FLG: variants seen among roughly 807,000 people sequenced by gnomAD.
FLG encodes epidermal filaggrin.
Under a neutral mutation model 3.8 loss-of-function variants are expected in FLG, and 6 were observed. The ratio of observed to expected loss-of-function variants is 1.60; its 90% CI spans 0.87 to 3.15. The LOEUF is 3.15. Ranked by LOEUF, FLG falls within the 30% of genes most tolerant of loss-of-function variation. The pLI is 0.00. For synonymous variants in FLG, 2,551 were observed against 1,931.6 expected (o/e 1.32, Z -8.41); for missense variants, 7,595 against 5,050.9 (o/e 1.50, Z -15.27).
Position 152,308,580 on chromosome 1 carries a change from G to T in FLG, c.6306C>A (p.Ser2102=). The change falls in exon 3 of 3, where the codon TCC becomes TCA. Residue 2102 remains serine (S), a synonymous_variant. Coordinates refer to ENST00000368799, the MANE Select transcript of FLG (RefSeq NM_002016.2). ...YQVSTHEQSE[S]THGQSAPSTG... is the part of the protein sequence containing the mutation. ...TGCTGGGCGCAGACTGTCCATGGGT[G>T]GACTCAGACTGTTCATGAGTGCTCA... 3.1e-6 allele frequency: 5 copies of T among 1,614,014 alleles called. No individual in the cohort carries two copies. Among genetic ancestry groups the T allele is most frequent in the African/African-American group, 1.3e-5 (1 of 75,008 alleles).
chr1:152,316,954 T>G (rs1222530181), intron 1 of FLG, among the ~76,000 whole-genome samples: 1 of 152,156 alleles, frequency 6.6e-6, no homozygotes, highest in Non-Finnish European at 1.5e-5. Flanking sequence ...CCTGAGAACT[T>G]GGAAGCCATT....
At chr1:152,321,821 T>A (rs1050649057) in intron 1 of FLG, among the ~76,000 whole-genome samples, 1 of 151,112 alleles carries the variant, frequency 6.6e-6, no homozygotes, top group African/African-American at 2.4e-5. Flanking sequence ...CAAACTGGCC[T>A]CAGTACCATA....
Position 152,311,258 on chromosome 1 carries a change from G to A in FLG, c.3628C>T (p.Gln1210Ter), listed in dbSNP as rs1652400801. The A allele has an allele frequency of 4.3e-6, 7 of 1,613,852 alleles. No homozygotes were observed. In the East Asian group the frequency reaches 1.6e-4, roughly 36 times the overall value. ...CTGCTTGCACTTCTGGATCCTGACT[G>A]CCCATGGGAGGCATCAGACCTTCCC... is the stretch of plus-strand genomic sequence containing the variant. ...SQGRSDASHG[Q>*]SGSRSASRQT... The change falls in exon 3 of 3, where the codon CAG becomes TAG. Residue 1210 changes from glutamine (Q) to a stop codon, truncating the protein, a stop_gained. Transcript: ENST00000368799. LOFTEE classifies it low-confidence loss of function (END_TRUNC).
At position 152,308,489 on chromosome 1, in the gene FLG, C is replaced by G. The variant is rs772430081; in HGVS notation, c.6397G>C (p.Glu2133Gln). 6 of 1,613,438 alleles carry G rather than the reference C, an allele frequency of 3.7e-6. No individual in the cohort carries two copies. Among genetic ancestry groups the G allele is most frequent in the Non-Finnish European group, 5.1e-6 (6 of 1,179,712 alleles). Residue 2133 changes from glutamate (E) to glutamine (Q), a missense_variant, in exon 3 of 3, where the codon GAG becomes CAG. Transcript: ENST00000368799. ...TGTCCACGAATGGTGTCCTGACCCT[C>G]TTGGGATGCTGAGTGCCTGGAGCTG... ...QDSSRHSASQ[E>Q]GQDTIRGHPG...
At position 152,312,631 on chromosome 1, in the gene FLG, C is replaced by A. The variant is rs1239314484; in HGVS notation, c.2255G>T (p.Gly752Val). The A allele has an allele frequency of 1.9e-6, 3 of 1,613,752 alleles. No individual in the cohort carries two copies. Among genetic ancestry groups the A allele is most frequent in the Middle Eastern group, 1.6e-4 (1 of 6,084 alleles). The change falls in exon 3 of 3, where the codon GGA (glycine) becomes GTA (valine). Residue 752 changes from glycine to valine, a missense_variant. Transcript: ENST00000368799. ...CTGTGTGTCTGAGTCTTCTGAATGT[C>A]CCTCACTGTCAGTGGCCTGACTACC... Reference protein sequence around the residue: ...SSGSQATDSEGHSEDSDTQSV... With the variant: ...SSGSQATDSEVHSEDSDTQSV...
rs1570900267 is a variant in FLG, at chr1:152,307,174, C to T, written c.7712G>A (p.Ser2571Asn). Residue 2571 changes from serine to asparagine, a missense_variant, in exon 3 of 3, where the codon AGT (serine) becomes AAT (asparagine). Transcript: ENST00000368799. ...GTCTTCTGAGTGTCCCTGACTGTCA[C>T]TGTCCTGGCTAAAACTGGATCCCCA... ...RNWGSSFSQDSDSQGHSEDSE... is the reference protein window; with the variant it reads ...RNWGSSFSQDNDSQGHSEDSE... The T allele has an allele frequency of 6.2e-7, 1 of 1,612,768 alleles. No homozygotes were observed. Among genetic ancestry groups the T allele is most frequent in the Non-Finnish European group, 8.5e-7 (1 of 1,179,978 alleles).
rs892366759 is a variant in FLG, at chr1:152,302,510, T to C, written c.*190A>G. The C allele has an allele frequency of 1.1e-5, 8 of 708,980 alleles. No individual in the cohort carries two copies. Among genetic ancestry groups the C allele is most frequent in the Non-Finnish European group, 1.8e-5 (8 of 441,804 alleles). The allele number at this position is 708,980 out of a possible 1,614,324, so 43.9% of individuals were successfully genotyped here. Reference sequence around the variant, plus strand: ...ATTGATTTCTTCCATTTAATATTTCTGAAATATAGCGTTTAAAGATCATTA... The same window carrying C: ...ATTGATTTCTTCCATTTAATATTTCCGAAATATAGCGTTTAAAGATCATTA... On this transcript the variant is annotated 3_prime_UTR_variant, in exon 3 of 3. Coordinates refer to ENST00000368799, the MANE Select transcript of FLG (RefSeq NM_002016.2).
In FLG at chr1:152,311,352, T is replaced by A. The variant is rs1300638998; in HGVS notation, c.3534A>T (p.Gly1178=). The part of the protein sequence containing the change: ...HPGSRRGGRQ[G]SHHEQSVDRS... ...TATCTACCGATTGCTCATGGTGGGA[T>A]CCCTGCCTTCCTCCTCTCCTTGACC... The change falls in exon 3 of 3, where the codon GGA becomes GGT. Residue 1178 remains glycine (G), a synonymous_variant. Transcript: ENST00000368799. 6.2e-7 allele frequency: 1 copy of A among 1,613,718 alleles called. No individual in the cohort carries two copies. The highest frequency in any genetic ancestry group is 1.1e-5 in the South Asian group (1 of 91,052).
At chr1:152,322,080 A>G (rs1352499518) in intron 1 of FLG, among the ~76,000 whole-genome samples, 3 of 151,274 alleles carry the variant, frequency 2.0e-5, no homozygotes, top group African/African-American at 7.2e-5. Context: ...ATAAAATCCA[A>G]TATTAATTCT....
intron 1 of FLG, among the ~76,000 whole-genome samples, chr1:152,321,021 A>C (rs953151737): frequency 6.6e-6 from 1 of 151,042 alleles, no homozygotes; most frequent in Non-Finnish European, 1.5e-5. Flanking sequence ...TGTGGAATAC[A>C]TTAATTCCAT....
In FLG at chr1:152,303,350, C is replaced by T. The variant is rs143233744; in HGVS notation, c.11536G>A (p.Gly3846Ser). The T allele has an allele frequency of 1.0e-4, 169 of 1,613,980 alleles. No homozygotes were observed. The highest frequency in any genetic ancestry group is 1.6e-4 in the Middle Eastern group (1 of 6,084). ...QADSSRHSQSGQGESAGSRRS... is the reference protein window; with the variant it reads ...QADSSRHSQSSQGESAGSRRS... ...CTGGACCCCGCTGATTCACCCTGGC[C>T]GGACTGTGAGTGTCTAGAGCTGTCA... is the stretch of plus-strand genomic sequence containing the variant. Residue 3846 changes from glycine (G) to serine (S), a missense_variant, in exon 3 of 3, where the codon GGC (glycine) becomes AGC (serine). Coordinates refer to ENST00000368799, the MANE Select transcript of FLG (RefSeq NM_002016.2).
chr1:152,312,770 C>T lies in FLG; in HGVS notation c.2116G>A (p.Glu706Lys), dbSNP rs1652546730. 1 of 1,613,978 alleles carries T rather than the reference C, an allele frequency of 6.2e-7. No homozygotes were observed. Among genetic ancestry groups the T allele is most frequent in the Admixed American group, 1.7e-5 (1 of 59,960 alleles). The change falls in exon 3 of 3, where the codon GAA (glutamate) becomes AAA (lysine). Residue 706 changes from glutamate to lysine, a missense_variant. Physicochemically the swap from Glu to Lys is moderately conservative, Grantham distance 56 (BLOSUM62 1). Coordinates refer to ENST00000368799, the MANE Select transcript of FLG (RefSeq NM_002016.2). The part of the protein sequence containing the change: ...SHEQARSSAG[E>K]RHGSRHQLQS... ...AGCTGGTGGCGGGATCCATGTCTTTCTCCTGCACTTGATCTTGCCTGTTCA... is the reference window on the plus strand; with the variant it reads ...AGCTGGTGGCGGGATCCATGTCTTTTTCCTGCACTTGATCTTGCCTGTTCA...
Position 152,313,323 on chromosome 1 carries a change from C to A in FLG, c.1563G>T (p.Gly521=), listed in dbSNP as rs763639841. The change falls in exon 3 of 3, where the codon GGG becomes GGT. Residue 521 remains glycine (G), a synonymous_variant. Coordinates refer to ENST00000368799, the MANE Select transcript of FLG (RefSeq NM_002016.2). ...EGQDTIRGHP[G]SSRGGRQGSH... ...ATCCCTGCCTTCCTCCTCTGCTTGACCCCGGGTGTCCACGAATGGTGTCCT... is the reference window on the plus strand; with the variant it reads ...ATCCCTGCCTTCCTCCTCTGCTTGAACCCGGGTGTCCACGAATGGTGTCCT... The A allele has an allele frequency of 1.2e-6, 2 of 1,613,564 alleles. No homozygotes were observed. Among genetic ancestry groups the A allele is most frequent in the Non-Finnish European group, 1.7e-6 (2 of 1,179,970 alleles).
chr1:152,307,309 C>T lies in FLG; in HGVS notation c.7577G>A (p.Gly2526Asp), dbSNP rs747916695. ...QTRNDEQSGD[G>D]SRHSGSRHHE... ...GTGACGCGACCCTGAGTGCCTGGAG[C>T]CGTCTCCTGATTGTTCATCGTTACG... Residue 2526 changes from glycine (G) to aspartate (D), a missense_variant, in exon 3 of 3, where the codon GGC becomes GAC. Coordinates refer to ENST00000368799, the MANE Select transcript of FLG (RefSeq NM_002016.2). The T allele has an allele frequency of 5.6e-6, 9 of 1,613,452 alleles. No individual in the cohort carries two copies. Among genetic ancestry groups the T allele is most frequent in the Non-Finnish European group, 5.1e-6 (6 of 1,179,986 alleles).
rs1373485398 is a variant in FLG, at chr1:152,309,022, C to T, written c.5864G>A (p.Arg1955Lys). ...SAWEQSRDGS[R>K]HPGSHHEDRA... ...GTCTTCGTGATGGGACCCAGGGTGT[C>T]TGGAGCCATCTCTTGACTGCTCCCA... is the stretch of plus-strand genomic sequence containing the variant. The change falls in exon 3 of 3, where the codon AGA (arginine) becomes AAA (lysine). Residue 1955 changes from arginine to lysine, a missense_variant. By Grantham distance (26) the Arg-to-Lys change is conservative (BLOSUM62 2). Coordinates refer to ENST00000368799, the MANE Select transcript of FLG (RefSeq NM_002016.2). 3 of 1,614,198 alleles carry T rather than the reference C, an allele frequency of 1.9e-6. No homozygotes were observed. The highest frequency in any genetic ancestry group is 1.7e-6 in the Non-Finnish European group (2 of 1,180,024).
Position 152,304,444 on chromosome 1 carries a change from C to T in FLG, c.10442G>A (p.Gly3481Glu). 1 of 1,612,296 alleles carries T rather than the reference C, an allele frequency of 6.2e-7. No homozygotes were observed. Among genetic ancestry groups the T allele is most frequent in the Non-Finnish European group, 8.5e-7 (1 of 1,179,322 alleles). The change falls in exon 3 of 3, where the codon GGA becomes GAA. Residue 3481 changes from glycine (G) to glutamate (E), a missense_variant. By Grantham distance (98) the Gly-to-Glu change is moderately conservative (BLOSUM62 -2). Transcript: ENST00000368799. ...GRSDASRGQS[G>E]SRSASRQTRN... ...AGTTTGTCTGCTGGCACTTCTGGATCCTGACTGCCCACGGGAGGCATCAGA... is the reference window on the plus strand; with the variant it reads ...AGTTTGTCTGCTGGCACTTCTGGATTCTGACTGCCCACGGGAGGCATCAGA...
chr1:152,315,204 T>G (rs775168199), intron 2 of FLG, 115 bp downstream of exon 2: 38 of 1,028,206 alleles, frequency 3.7e-5, no homozygotes, highest in Non-Finnish European at 5.2e-5. Flanking sequence ...GAGACAAGAT[T>G]AACTCTTTTC....
intron 1 of FLG, among the ~76,000 whole-genome samples, chr1:152,318,866 T>C (rs1345497620): frequency 1.3e-5 from 2 of 151,858 alleles, no homozygotes; most frequent in African/African-American, 4.8e-5. Context: ...ATAAGTGATA[T>C]GTACATAACT....
In FLG at chr1:152,308,161, C is replaced by T. The variant is rs1484263014; in HGVS notation, c.6725G>A (p.Ser2242Asn). 6.2e-7 allele frequency: 1 copy of T among 1,614,026 alleles called. No homozygotes were observed. Among genetic ancestry groups the T allele is most frequent in the Non-Finnish European group, 8.5e-7 (1 of 1,180,016 alleles). ...GPRTSRPRGS[S>N]VSQDSDSEGH... ...CTCACTGTCACTGTCCTGGCTAACA[C>T]TGGATCCCCGGGGCCTGCTTGTCCT... Residue 2242 changes from serine to asparagine, a missense_variant, in exon 3 of 3, where the codon AGT (serine) becomes AAT (asparagine). Coordinates refer to ENST00000368799, the MANE Select transcript of FLG (RefSeq NM_002016.2).
Sources: gnomAD v4.1 joint callset for allele counts (sites outside exome capture counted in the v4.1 genomes callset) on GRCh38, gnomAD v4.1.1 for gene constraint, MANE v1.5 for transcripts, NCBI Gene and HGNC (gene_info 2026-07-23, HGNC 2026-07-21) for gene names.